Variants in UGT1A10 observed in about 807,000 individuals in gnomAD.
The protein encoded by UGT1A10 is UDP glucuronosyltransferase family 1 member A10.
Under a neutral mutation model 45.8 loss-of-function variants are expected in UGT1A10, and 49 were observed. The observed-to-expected ratio is 1.07, with a 90% CI of 0.85 to 1.36. UGT1A10 has a LOEUF of 1.36. Among genes scored for constraint, UGT1A10 ranks in the 40% most tolerant of loss-of-function variants. The probability of loss-of-function intolerance (pLI) is 0.00; values close to 1 mark genes in which losing one functional copy is unlikely to be tolerated. For synonymous variants in UGT1A10, 284 were observed against 249.7 expected, an observed-to-expected ratio of 1.14 and a Z score of -1.29; for missense variants, 745 against 668.6, an observed-to-expected ratio of 1.11 and a Z score of -1.26.
intron 1 of UGT1A10, among the ~76,000 whole-genome samples, chr2:233,663,334 G>A (rs1044843405): frequency 2.0e-5 from 3 of 152,178 alleles, no homozygotes; most frequent in South Asian, 4.1e-4. Flanking sequence ...AGTTTTTAAG[G>A]AATACTTGGT....
intron 1 of UGT1A10, chr2:233,649,060 T>A (rs1381712904): frequency 1.1e-6 from 1 of 947,376 alleles, no homozygotes; most frequent in African/African-American, 1.7e-5. Flanking sequence ...ATTAAAAGTA[T>A]TCTGGATTTG....
chr2:233,735,436 C>A (rs1234543811), intron 1 of UGT1A10, among the ~76,000 whole-genome samples: 1 of 152,154 alleles, frequency 6.6e-6, no homozygotes, highest in Admixed American at 6.5e-5. Context: ...CTGAATACAG[C>A]ATACCGATGG....
intron 1 of UGT1A10, among the ~76,000 whole-genome samples, chr2:233,688,913 C>T (rs1258739831): frequency 6.6e-6 from 1 of 152,062 alleles, no homozygotes; most frequent in Admixed American, 6.5e-5. Context: ...GGATGGTGTG[C>T]CAAGCAGGGA....
chr2:233,672,504 C>T (rs2125502291), intron 1 of UGT1A10: 1 of 1,613,922 alleles, frequency 6.2e-7, no homozygotes, highest in South Asian at 1.1e-5. Context: ...TTTCCTATGT[C>T]CCCAGAATTC....
chr2:233,693,725 G>A (rs1435366760), intron 1 of UGT1A10: 1 of 1,614,208 alleles, frequency 6.2e-7, no homozygotes, highest in African/African-American at 1.3e-5. Context: ...CAAGAGAGAT[G>A]TGGATATAAT....
At chr2:233,713,286 T>G (rs2076302017) in intron 1 of UGT1A10, 2 of 1,614,222 alleles carry the variant, frequency 1.2e-6, no homozygotes, top group Non-Finnish European at 1.7e-6. Context: ...TCACACTCAA[T>G]CGTTCTTTGA....
chr2:233,656,883 C>A (rs887557294), intron 1 of UGT1A10, among the ~76,000 whole-genome samples: 1 of 151,980 alleles, frequency 6.6e-6, no homozygotes, highest in African/African-American at 2.4e-5. Flanking sequence ...TGCAGATAAA[C>A]ACGCACATGC....
rs1042640 is a variant in UGT1A10 at position 233,772,898 on chromosome 2, G to T, written c.*339G>T. 1 of 456,718 alleles carries T rather than the reference G, an allele frequency of 2.2e-6. No individual in the cohort carries two copies. The highest frequency in any genetic ancestry group is 5.9e-5 in the East Asian group (1 of 16,920). The allele number at this position is 456,718 out of a possible 1,614,324, so 28.3% of individuals were successfully genotyped here. Reference sequence around the variant, plus strand: ...GTGCGGGATTCAAAGGTGGTCCCACGGCTGCCCCTACTGCAAATGGCAGTT... The same window carrying T: ...GTGCGGGATTCAAAGGTGGTCCCACTGCTGCCCCTACTGCAAATGGCAGTT... On this transcript the variant is annotated 3_prime_UTR_variant, in exon 5 of 5. Coordinates refer to ENST00000344644, the MANE Select transcript of UGT1A10 (RefSeq NM_019075.4).
At chr2:233,700,848 A>T (rs1341869131) in intron 1 of UGT1A10, among the ~76,000 whole-genome samples, 2 of 151,952 alleles carry the variant, frequency 1.3e-5, no homozygotes, top group Non-Finnish European at 2.9e-5. Flanking sequence ...CATTAGGTAT[A>T]TCTCCTAATG....
At chr2:233,682,424 C>T (rs529928629) in intron 1 of UGT1A10, 1 of 1,613,868 alleles carries the variant, frequency 6.2e-7, no homozygotes, top group African/African-American at 1.3e-5. Context: ...ATATTTCTCC[C>T]TCCCCTCTGT....
chr2:233,656,442 G>A lies in UGT1A10; in HGVS notation c.855+19065G>A, dbSNP rs796098216. Among the ~76,000 whole-genome samples, 60 of 152,306 alleles carry A rather than the reference G, an allele frequency of 3.9e-4. 1 individual carries two copies. Among genetic ancestry groups the A allele is most frequent in the East Asian group, 3.9e-4 (2 of 5,192 alleles). On this transcript the variant is annotated intron_variant, in intron 1 of 4. Transcript: ENST00000344644. ...AATGGACGTCAGTTAGTCAGTGTCC[G>A]GTGGAGGTGCACTTGTTTAACATTG...
At chr2:233,712,032 A>G (rs564582261) in intron 1 of UGT1A10, among the ~76,000 whole-genome samples, 2 of 152,204 alleles carry the variant, frequency 1.3e-5, no homozygotes, top group Non-Finnish European at 2.9e-5. Flanking sequence ...TTGGTGCTGG[A>G]TTGACTTGGA....
At chr2:233,737,721 CT>C (rs1222184655) in intron 1 of UGT1A10, among the ~76,000 whole-genome samples, 14 of 151,438 alleles carry the variant, frequency 9.2e-5, no homozygotes, top group African/African-American at 1.9e-4. Flanking sequence ...CCAACACCTC[CT>C]TTTTTTTTCC....
chr2:233,729,797 G>C (rs1376720200), intron 1 of UGT1A10: 2 of 1,613,908 alleles, frequency 1.2e-6, no homozygotes, highest in South Asian at 2.2e-5. Context: ...TCCTACATTT[G>C]CCATGCTTTT....
At chr2:233,733,232 T>G (rs2078369792) in intron 1 of UGT1A10, among the ~76,000 whole-genome samples, 1 of 152,224 alleles carries the variant, frequency 6.6e-6, no homozygotes, top group Non-Finnish European at 1.5e-5. Flanking sequence ...GTTTTCTAAA[T>G]ATACAATCAT....
At chr2:233,640,168 A>G (rs2741034) in intron 1 of UGT1A10, among the ~76,000 whole-genome samples, 34,060 of 152,114 alleles carry the variant, frequency 0.22, 4,756 homozygotes, top group South Asian at 0.38. Context: ...CCTCCCACTA[A>G]AATTGTTTAC....
chr2:233,693,483 C>G, intron 1 of UGT1A10: 1 of 1,614,168 alleles, frequency 6.2e-7, no homozygotes, highest in Non-Finnish European at 8.5e-7. Flanking sequence ...GTGATCCTGG[C>G]TGAGTATTTG....
intron 1 of UGT1A10, among the ~76,000 whole-genome samples, chr2:233,661,622 A>ATTTTCTTTCTTTCTT (rs71058570): frequency 1.5e-5 from 1 of 68,474 alleles, no homozygotes; most frequent in Non-Finnish European, 3.2e-5. Context: ...GACTTACTGA[A>ATTTTCTTTCTTTCTT]TTTTCTTTCT....
At chr2:233,692,908 T>C in intron 1 of UGT1A10, 1 of 1,553,502 alleles carries the variant, frequency 6.4e-7, no homozygotes, top group African/African-American at 1.4e-5. Flanking sequence ...ACAGGACCTG[T>C]GAAAAGCAGT....
Sources: allele counts gnomAD v4.1 joint callset (sites outside exome capture counted in the v4.1 genomes callset), GRCh38; gene constraint gnomAD v4.1.1; transcripts MANE v1.5; gene names NCBI Gene and HGNC (gene_info 2026-07-23, HGNC 2026-07-21).